ASTN2: variants seen among roughly 807,000 people sequenced by gnomAD.
The protein encoded by ASTN2 is astrotactin-2.
ASTN2 carries 54 observed loss-of-function variants against 139.8 expected under a neutral mutation model. The ratio of observed to expected loss-of-function variants is 0.39; its 90% confidence interval spans 0.31 to 0.48. ASTN2 has a LOEUF of 0.48. Ranked by LOEUF, ASTN2 falls within the 20% of genes least tolerant of loss-of-function variation. ASTN2 has a pLI of 0.95. For missense variants in ASTN2, 1,565 were observed against 1,725.1 expected (o/e 0.91, Z 1.64); for synonymous variants, 756 against 719.5 (o/e 1.05, Z -0.81).
chr9:116,632,244 A>G (rs141437333), intron 17 of ASTN2, among the ~76,000 whole-genome samples: 1,972 of 118,108 alleles, frequency 0.017, 26 homozygotes, highest in Non-Finnish European at 0.02. Context: ...AAAGAAAGAA[A>G]GAAAGAAGGA....
At chr9:116,819,439 TGCACAAAG>T (rs1303646025) in intron 12 of ASTN2, among the ~76,000 whole-genome samples, 3 of 152,146 alleles carry the variant, frequency 2.0e-5, no homozygotes, top group Non-Finnish European at 4.4e-5. Flanking sequence ...CTTCTACACC[TGCACAAAG>T]GCACCTGCAG....
intron 11 of ASTN2, among the ~76,000 whole-genome samples, chr9:116,838,589 A>AT (rs34871450): frequency 0.52 from 67,720 of 130,036 alleles, 17,829 homozygotes; most frequent in Middle Eastern, 0.62. Flanking sequence ...ATGCCCAGCA[A>AT]TTTTTTTTTT....
chr9:116,976,588 T>C (rs1836346545), intron 8 of ASTN2, 113 bp downstream of exon 8: 19 of 864,244 alleles, frequency 2.2e-5, no homozygotes, highest in Non-Finnish European at 3.5e-5. Context: ...GGAACACTAC[T>C]GTTGCAGAGA....
chr9:116,513,360 C>T (rs533176932), intron 19 of ASTN2, among the ~76,000 whole-genome samples: 48 of 152,246 alleles, frequency 3.2e-4, no homozygotes, highest in Admixed American at 1.0e-3. Context: ...GAGTTTCTGC[C>T]GAGAGATCAG....
At position 117,141,381 on chromosome 9, in the gene ASTN2, T is replaced by C; in HGVS notation, c.1113A>G (p.Gln371=). Residue 371 remains glutamine (Q), a synonymous_variant, in exon 4 of 23, where the codon CAA becomes CAG. Transcript: ENST00000313400. ...CTGCCGATGTGCTGCGCAGGGGTGG[T>C]TGCAGCTGACCGATCTCGATGGGCG... ...ANTPIEIGQL[Q]PPLRSTSAGK... The C allele has an allele frequency of 2.2e-6, 3 of 1,367,498 alleles. No individual in the cohort carries two copies. The highest frequency in any genetic ancestry group is 1.1e-5 in the South Asian group (1 of 88,036). The allele number at this position is 1,367,498 out of a possible 1,614,324, so 84.7% of individuals were successfully genotyped here.
chr9:116,462,846 A>T (rs1295077583), intron 20 of ASTN2, among the ~76,000 whole-genome samples: 1 of 148,154 alleles, frequency 6.7e-6, no homozygotes, highest in African/African-American at 2.5e-5. Context: ...CCATATATAC[A>T]ATTTGCATAT....
intron 3 of ASTN2, among the ~76,000 whole-genome samples, chr9:117,166,265 G>A (rs960438481): frequency 6.6e-6 from 1 of 152,040 alleles, no homozygotes; most frequent in Non-Finnish European, 1.5e-5. Flanking sequence ...AGTCTGAAGG[G>A]TCAGGTCACA....
chr9:117,317,757 A>G (rs934950929), intron 1 of ASTN2, among the ~76,000 whole-genome samples: 1 of 152,080 alleles, frequency 6.6e-6, no homozygotes, highest in Non-Finnish European at 1.5e-5. Flanking sequence ...GCTCATGAGA[A>G]CCCCAGGAAA....
rs540698021 is a variant in ASTN2 at position 116,838,892 on chromosome 9, TAGCTCTGA to T, written c.2041-18117_2041-18110del. Among the ~76,000 whole-genome samples, 9 of 152,290 alleles carry T rather than the reference TAGCTCTGA, an allele frequency of 5.9e-5. No individual in the cohort carries two copies. The East Asian group carries it at 1.5e-3, about 26-fold the overall frequency. The stretch of plus-strand genomic sequence containing the variant: ...CTGTGAATTGTAGAAAGGGGAAAAT[TAGCTCTGA>T]AGTATTTAAGAGGAAAATGGGGAAT... On this transcript the variant is annotated intron_variant, in intron 11 of 22. Transcript: ENST00000313400.
At chr9:117,363,467 G>T (rs764826267) in intron 1 of ASTN2, among the ~76,000 whole-genome samples, 3 of 152,150 alleles carry the variant, frequency 2.0e-5, no homozygotes, top group Non-Finnish European at 4.4e-5. Flanking sequence ...TGGTGGAAGG[G>T]AGGTAAGAAT....
chr9:117,188,310 T>C lies in ASTN2; in HGVS notation c.1015+26048A>G, dbSNP rs59039879. 1.5e-3 allele frequency among the ~76,000 whole-genome samples: 230 copies of C among 152,260 alleles called. 1 individual carries two copies. The highest frequency in any genetic ancestry group is 5.2e-3 in the African/African-American group (217 of 41,532). On this transcript the variant is annotated intron_variant, in intron 3 of 22. Transcript: ENST00000313400. ...GGAGATAAGATTAGAATCTGACCCATATCCCCTAGTCAGGAAAGTTTAAGA... is the reference window on the plus strand; with the variant it reads ...GGAGATAAGATTAGAATCTGACCCACATCCCCTAGTCAGGAAAGTTTAAGA...
At chr9:116,776,964 G>A (rs1214163389) in intron 13 of ASTN2, among the ~76,000 whole-genome samples, 2 of 152,162 alleles carry the variant, frequency 1.3e-5, no homozygotes, top group Non-Finnish European at 2.9e-5. Context: ...TACAAAATTA[G>A]TGGATGAAGG....
chr9:116,920,661 G>T (rs1176197150), intron 10 of ASTN2, among the ~76,000 whole-genome samples: 1 of 152,202 alleles, frequency 6.6e-6, no homozygotes, highest in African/African-American at 2.4e-5. Flanking sequence ...GATTTTGTCT[G>T]ATTTGTTTAC....
At chr9:116,902,282 T>C (rs1438348403) in intron 10 of ASTN2, among the ~76,000 whole-genome samples, 1 of 152,110 alleles carries the variant, frequency 6.6e-6, no homozygotes, top group Non-Finnish European at 1.5e-5. Context: ...ATTTGTGCCT[T>C]AGTTTTTAAC....
intron 5 of ASTN2, among the ~76,000 whole-genome samples, chr9:117,066,832 C>T (rs1388589956): frequency 6.2e-5 from 9 of 145,724 alleles, no homozygotes; most frequent in African/African-American, 1.5e-4. Context: ...TCATGTCCTT[C>T]GCCCACTTTT....
intron 6 of ASTN2, among the ~76,000 whole-genome samples, chr9:117,024,706 T>C (rs1838005406): frequency 1.3e-5 from 2 of 152,166 alleles, no homozygotes; most frequent in Non-Finnish European, 2.9e-5. Flanking sequence ...ACACTTGAGC[T>C]GTCACACTTC....
rs543927274 is a variant in ASTN2, at chr9:116,538,885, G to C, written c.3356-51385C>G. ...AAGAATTAATTTTGGAAAGAAAATG[G>C]ATCCTGACAGTTGTCTAACAAACTT... On this transcript the variant is annotated intron_variant, in intron 19 of 22. Transcript: ENST00000313400. 2.0e-5 allele frequency among the ~76,000 whole-genome samples: 3 copies of C among 152,198 alleles called. No homozygotes were observed. In the South Asian group the frequency reaches 6.2e-4, roughly 32 times the overall value.
At chr9:117,209,798 C>A (rs181869144) in intron 3 of ASTN2, among the ~76,000 whole-genome samples, 59 of 152,138 alleles carry the variant, frequency 3.9e-4, no homozygotes, top group African/African-American at 1.4e-3. Context: ...ATTAGCCATA[C>A]GTTAGAGCAC....
At chr9:116,614,755 A>G (rs1157110144) in intron 19 of ASTN2, among the ~76,000 whole-genome samples, 2 of 152,220 alleles carry the variant, frequency 1.3e-5, no homozygotes, top group East Asian at 1.9e-4. Context: ...TGTTAGACCT[A>G]AAACCATAAA....
Sources: gnomAD v4.1 joint callset for allele counts (sites outside exome capture counted in the v4.1 genomes callset) on GRCh38, gnomAD v4.1.1 for gene constraint, MANE v1.5 for transcripts, NCBI Gene and HGNC (gene_info 2026-07-23, HGNC 2026-07-21) for gene names.